The following WWOX variants were observed in gnomAD, a reference collection of about 807,000 sequenced individuals.
WWOX encodes the protein WW domain containing oxidoreductase, also known as WW domain-containing oxidoreductase.
WWOX carries 69 observed loss-of-function variants against 46.2 expected under a neutral mutation model. The observed-to-expected ratio is 1.49, with a 90% CI of 1.23 to 1.82. The LOEUF (loss-of-function observed/expected upper bound fraction) is 1.82, where lower values mean the gene tolerates loss of function less well. WWOX is among the 40% of genes most tolerant of loss of function. WWOX has a pLI of 0.00. For synonymous variants in WWOX, 359 were observed against 202.6 expected (o/e 1.77, Z -6.56); for missense variants, 919 against 542.6 (o/e 1.69, Z -6.89).
chr16:78,885,734 G>C lies in WWOX; in HGVS notation c.1057-325874G>C, dbSNP rs188894637. Among the ~76,000 whole-genome samples the C allele has an allele frequency of 2.4e-4, 37 of 152,124 alleles. 1 individual carries two copies. The highest frequency in any genetic ancestry group is 2.4e-3 in the Admixed American group (36 of 15,274). On this transcript the variant is annotated intron_variant, in intron 8 of 8. Transcript: ENST00000566780. The stretch of plus-strand genomic sequence containing the variant: ...TATCTCACGAATGGCAGAAGATGAA[G>C]GGGGAAAGTTTTTTTTTTAACTGAT...
intron 5 of WWOX, among the ~76,000 whole-genome samples, chr16:78,277,284 A>G (rs2079594538): frequency 6.6e-6 from 1 of 152,116 alleles, no homozygotes; most frequent in African/African-American, 2.4e-5. Context: ...CATTCTGTAG[A>G]TTTTTGGCCA....
intron 8 of WWOX, among the ~76,000 whole-genome samples, chr16:79,140,193 C>G (rs568069229): frequency 1.3e-5 from 2 of 152,302 alleles, no homozygotes; most frequent in East Asian, 1.9e-4. Context: ...AATTGACTTA[C>G]GTTAACATTC....
intron 8 of WWOX, among the ~76,000 whole-genome samples, chr16:78,747,864 T>C (rs1280791557): frequency 1.3e-5 from 2 of 152,264 alleles, no homozygotes; most frequent in East Asian, 3.9e-4. Flanking sequence ...ATAATCTTTC[T>C]CTCTGCCTCA....
intron 8 of WWOX, among the ~76,000 whole-genome samples, chr16:78,988,559 A>C (rs1018944991): frequency 6.6e-6 from 1 of 151,992 alleles, no homozygotes; most frequent in Non-Finnish European, 1.5e-5. Context: ...GAGAGGTCCC[A>C]GCGGAATAAA....
intron 8 of WWOX, among the ~76,000 whole-genome samples, chr16:78,591,865 G>T (rs1451118098): frequency 6.6e-6 from 1 of 152,160 alleles, no homozygotes; most frequent in Non-Finnish European, 1.5e-5. Context: ...TGCAGCCTCT[G>T]TGAGCTACCA....
At chr16:79,155,116 G>A (rs987133015) in intron 8 of WWOX, among the ~76,000 whole-genome samples, 2 of 152,224 alleles carry the variant, frequency 1.3e-5, no homozygotes, top group African/African-American at 2.4e-5. Flanking sequence ...GGTGGCTCAC[G>A]CCTGTAATCC....
At chr16:78,444,850 A>G (rs555885587) in intron 8 of WWOX, among the ~76,000 whole-genome samples, 6 of 152,262 alleles carry the variant, frequency 3.9e-5, no homozygotes, top group South Asian at 4.1e-4. Flanking sequence ...AGTTCTTTCA[A>G]TGGAATATAT....
chr16:79,169,719 G>A (rs1257766256), intron 8 of WWOX, among the ~76,000 whole-genome samples: 1 of 152,178 alleles, frequency 6.6e-6, no homozygotes, highest in Non-Finnish European at 1.5e-5. Flanking sequence ...TGGGTGGGTG[G>A]GCAGGATGGC....
chr16:78,621,623 G>C (rs1481179410), intron 8 of WWOX, among the ~76,000 whole-genome samples: 1 of 6,738 alleles, frequency 1.5e-4, no homozygotes, highest in Non-Finnish European at 3.3e-4. Context: ...TTTTTTTTTT[G>C]AGACAGAGTC....
At chr16:78,679,656 T>A (rs1422760090) in intron 8 of WWOX, among the ~76,000 whole-genome samples, 1 of 152,256 alleles carries the variant, frequency 6.6e-6, no homozygotes, top group East Asian at 1.9e-4. Context: ...TATTCCTGTT[T>A]CCTTGCCAGG....
intron 8 of WWOX, among the ~76,000 whole-genome samples, chr16:78,565,082 A>G (rs547251157): frequency 2.6e-4 from 40 of 152,194 alleles, no homozygotes; most frequent in African/African-American, 9.1e-4. Flanking sequence ...ACTGGAAGGA[A>G]CCTCAGTTTG....
rs942003326 is a variant in WWOX at position 79,130,702 on chromosome 16, G to T, written c.1057-80906G>T. Among the ~76,000 whole-genome samples the T allele has an allele frequency of 5.9e-5, 9 of 152,230 alleles. 1 individual carries two copies. On this transcript the variant is annotated intron_variant, in intron 8 of 8. Transcript: ENST00000566780. ...CAATGACTAATTAGACCCTAATGAA[G>T]TGCTGCGGTACTGGCGTCCTTCCAG...
chr16:79,086,997 G>C (rs2048865499), intron 8 of WWOX, among the ~76,000 whole-genome samples: 1 of 152,180 alleles, frequency 6.6e-6, no homozygotes, highest in Non-Finnish European at 1.5e-5. Flanking sequence ...TGGTGAGAGA[G>C]GCAGCCTAGG....
chr16:78,421,582 T>C (rs1034189832), intron 6 of WWOX, among the ~76,000 whole-genome samples: 4 of 152,198 alleles, frequency 2.6e-5, no homozygotes, highest in African/African-American at 7.2e-5. Flanking sequence ...AGCAATGGGA[T>C]GGGAGGTACC....
chr16:78,147,687 T>TTTTTTG (rs1313230633), intron 4 of WWOX, among the ~76,000 whole-genome samples: 12 of 126,170 alleles, frequency 9.5e-5, no homozygotes, highest in Non-Finnish European at 1.7e-4. Flanking sequence ...TTTTTTTTTT[T>TTTTTTG]TTTTTTTTTA....
intron 6 of WWOX, among the ~76,000 whole-genome samples, chr16:78,407,332 C>T (rs138007615): frequency 6.6e-6 from 1 of 152,156 alleles, no homozygotes; most frequent in South Asian, 2.1e-4. Flanking sequence ...GTGTGACATT[C>T]TGCTTCCAGG....
chr16:78,996,901 C>T (rs182065235), intron 8 of WWOX, among the ~76,000 whole-genome samples: 7 of 152,334 alleles, frequency 4.6e-5, no homozygotes, highest in Admixed American at 3.3e-4. Context: ...GTCCCTGCTC[C>T]GGAGAAGAGC....
intron 8 of WWOX, among the ~76,000 whole-genome samples, chr16:79,122,838 T>A (rs2049667323): frequency 6.6e-6 from 1 of 152,162 alleles, no homozygotes; most frequent in Non-Finnish European, 1.5e-5. Context: ...TACATCTTCA[T>A]ATGCCCATTT....
chr16:78,197,545 A>G (rs566822651), intron 5 of WWOX, among the ~76,000 whole-genome samples: 1 of 152,324 alleles, frequency 6.6e-6, no homozygotes. Flanking sequence ...GTTACCATGA[A>G]ACATTTCTCC....
Sources: allele counts gnomAD v4.1 joint callset (sites outside exome capture counted in the v4.1 genomes callset), GRCh38; gene constraint gnomAD v4.1.1; transcripts MANE v1.5; gene names NCBI Gene and HGNC (gene_info 2026-07-23, HGNC 2026-07-21).